PCDHA3: variants seen among roughly 807,000 people sequenced by gnomAD.
PCDHA3 encodes protocadherin alpha 3.
Under a neutral mutation model 62.2 loss-of-function variants are expected in PCDHA3, and 41 were observed. The observed-to-expected ratio is 0.66, with a 90% CI of 0.51 to 0.86. The LOEUF is 0.86. PCDHA3 is among the 40% of genes least tolerant of loss of function. The pLI is 0.00. For synonymous variants in PCDHA3, 640 were observed against 555.4 expected, an observed-to-expected ratio of 1.15 and a Z score of -2.14; for missense variants, 1,304 against 1,241.2, an observed-to-expected ratio of 1.05 and a Z score of -0.76.
intron 1 of PCDHA3, among the ~76,000 whole-genome samples, chr5:140,820,410 G>A (rs1312533242): frequency 6.6e-6 from 1 of 151,870 alleles, no homozygotes; most frequent in African/African-American, 2.4e-5. Context: ...TATTTTAAAT[G>A]TAAAAGTATC....
chr5:140,822,181 G>A, intron 1 of PCDHA3: 1 of 1,614,198 alleles, frequency 6.2e-7, no homozygotes, highest in Non-Finnish European at 8.5e-7. Flanking sequence ...CTCCAGACAA[G>A]AACAAAGATT....
chr5:140,932,021 GT>G (rs1387709791), intron 1 of PCDHA3, among the ~76,000 whole-genome samples: 11 of 151,964 alleles, frequency 7.2e-5, no homozygotes, highest in African/African-American at 2.6e-4. Flanking sequence ...TTTACGGTAA[GT>G]TTACAGTATA....
chr5:140,899,544 T>A (rs925092249), intron 1 of PCDHA3, among the ~76,000 whole-genome samples: 11 of 152,202 alleles, frequency 7.2e-5, no homozygotes, highest in Non-Finnish European at 1.5e-5. Context: ...TTGATCATGG[T>A]GGATAAGCTT....
intron 1 of PCDHA3, among the ~76,000 whole-genome samples, chr5:140,888,291 A>G (rs539984108): frequency 9.2e-5 from 14 of 152,122 alleles, no homozygotes; most frequent in Admixed American, 5.2e-4. Flanking sequence ...TCTACCCCCT[A>G]CCCAGGAGAT....
chr5:141,003,724 A>C (rs575036478), intron 3 of PCDHA3, among the ~76,000 whole-genome samples: 2 of 151,950 alleles, frequency 1.3e-5, no homozygotes, highest in African/African-American at 4.8e-5. Flanking sequence ...CGGCTAATCC[A>C]ATAAAAAAGC....
At chr5:140,834,417 C>A (rs1772976539) in intron 1 of PCDHA3, 5 of 1,611,544 alleles carry the variant, frequency 3.1e-6, no homozygotes, top group Non-Finnish European at 3.4e-6. Flanking sequence ...CCCAGGGGGC[C>A]GACATCTACT....
At position 140,803,304 on chromosome 5, in the gene PCDHA3, G is replaced by T. The variant is rs1763167054; in HGVS notation, c.2107G>T (p.Ala703Ser). 2 of 1,614,120 alleles carry T rather than the reference G, an allele frequency of 1.2e-6. No homozygotes were observed. Among genetic ancestry groups the T allele is most frequent in the Non-Finnish European group, 8.5e-7 (1 of 1,179,996 alleles). Residue 703 changes from alanine to serine, a missense_variant, in exon 1 of 4, where the codon GCC becomes TCC. Ala to Ser is a moderately conservative substitution (Grantham distance 99, BLOSUM62 1). Transcript: ENST00000522353. ...LVDVNVYLIV[A>S]ICAVSSLLVL... ...GGATGTCAACGTGTACTTGATCGTC[G>T]CCATCTGCGCGGTGTCCAGTCTGTT... is the stretch of plus-strand genomic sequence containing the variant.
chr5:140,919,231 C>T (rs984376374), intron 1 of PCDHA3, among the ~76,000 whole-genome samples: 1 of 152,160 alleles, frequency 6.6e-6, no homozygotes, highest in Admixed American at 6.6e-5. Context: ...TCTAGTAACA[C>T]TTTTTGTCTT....
At chr5:140,833,396 C>T (rs2150208184) in intron 1 of PCDHA3, among the ~76,000 whole-genome samples, 1 of 152,272 alleles carries the variant, frequency 6.6e-6, no homozygotes, top group Non-Finnish European at 1.5e-5. Flanking sequence ...TACCTCAAGA[C>T]TTGATCAAAG....
At chr5:140,870,746 T>A in intron 1 of PCDHA3, 1 of 1,613,488 alleles carries the variant, frequency 6.2e-7, no homozygotes, top group South Asian at 1.1e-5. Flanking sequence ...AGCAGCAACG[T>A]GACGCTGCAG....
Position 140,802,920 on chromosome 5 carries a change from G to T in PCDHA3, c.1723G>T (p.Gly575Cys), listed in dbSNP as rs145535421. The change falls in exon 1 of 4, where the codon GGC becomes TGC. Residue 575 changes from glycine (G) to cysteine (C), a missense_variant. Physicochemically the swap from Gly to Cys is radical, Grantham distance 159. Coordinates refer to ENST00000522353, the MANE Select transcript of PCDHA3 (RefSeq NM_018906.3). ...GATGCCTCGGGTGGGTGGCATCGGT[G>T]GCGCAGTGAGCGAGCTGGTGCCGCG... Reference protein sequence around the residue: ...LLMPRVGGIGGAVSELVPRSV... With the variant: ...LLMPRVGGIGCAVSELVPRSV... The T allele has an allele frequency of 1.3e-5, 21 of 1,613,690 alleles. No homozygotes were observed. The highest frequency in any genetic ancestry group is 1.6e-5 in the Non-Finnish European group (19 of 1,179,890).
chr5:140,904,773 CATT>C (rs2071382352), intron 1 of PCDHA3, among the ~76,000 whole-genome samples: 1 of 152,076 alleles, frequency 6.6e-6, no homozygotes, highest in Non-Finnish European at 1.5e-5. Flanking sequence ...GATGGTATCA[CATT>C]ATTGTTTTAA....
At chr5:140,836,351 G>C (rs151141737) in intron 1 of PCDHA3, 18 of 1,613,578 alleles carry the variant, frequency 1.1e-5, no homozygotes, top group Non-Finnish European at 1.5e-5. Flanking sequence ...ACCACGGGGA[G>C]CCCTCGCTGA....
chr5:140,896,283 T>TG (rs1440417603), intron 1 of PCDHA3, among the ~76,000 whole-genome samples: 4 of 152,258 alleles, frequency 2.6e-5, no homozygotes, highest in Admixed American at 6.5e-5. Context: ...CTGGCTTGAA[T>TG]GGTAAGTTCT....
chr5:140,967,687 C>T (rs1173018126), intron 1 of PCDHA3: 1 of 1,614,094 alleles, frequency 6.2e-7, no homozygotes, highest in Non-Finnish European at 8.5e-7. Context: ...AGAGGCAGCT[C>T]TTCAGCATAG....
Position 140,925,082 on chromosome 5 carries a change from A to AAAGGAAGG in PCDHA3, c.2395-53849_2395-53842dup, listed in dbSNP as rs138596875. 2.5e-3 allele frequency among the ~76,000 whole-genome samples: 363 copies of AAAGGAAGG among 147,386 alleles called. 3 individuals carry two copies. The highest frequency in any genetic ancestry group is 8.0e-3 in the African/African-American group (310 of 38,948). ...GCAACAAAGCAACACGCTCATCTGG[A>AAAGGAAGG]AAGGAAGGAAGGAAGGAAGGAAGGA... On this transcript the variant is annotated intron_variant, in intron 1 of 3. Transcript: ENST00000522353.
chr5:140,999,934 T>C (rs1236304987), intron 3 of PCDHA3, among the ~76,000 whole-genome samples: 1 of 152,068 alleles, frequency 6.6e-6, no homozygotes, highest in Non-Finnish European at 1.5e-5. Context: ...GCTCAACTCA[T>C]TCCACCCAAA....
At chr5:140,828,833 G>A (rs2150159490) in intron 1 of PCDHA3, 2 of 1,614,186 alleles carry the variant, frequency 1.2e-6, no homozygotes, top group Non-Finnish European at 8.5e-7. Context: ...GTCTGAATAC[G>A]AAGTAAGAAT....
intron 1 of PCDHA3, among the ~76,000 whole-genome samples, chr5:140,847,064 A>G (rs1159869188): frequency 1.3e-5 from 2 of 149,866 alleles, no homozygotes; most frequent in Non-Finnish European, 3.0e-5. Flanking sequence ...AGAAAGCATC[A>G]ATATGACAAG....
Sources: gnomAD v4.1 joint callset for allele counts (sites outside exome capture counted in the v4.1 genomes callset) on GRCh38, gnomAD v4.1.1 for gene constraint, MANE v1.5 for transcripts, NCBI Gene and HGNC (gene_info 2026-07-23, HGNC 2026-07-21) for gene names.